Variants in ITSN1 observed in about 807,000 individuals in gnomAD.
The protein encoded by ITSN1 is intersectin 1.
A neutral mutation model predicts 239.8 loss-of-function variants in ITSN1; 58 were observed. The observed-to-expected ratio is 0.24, with a 90% CI of 0.20 to 0.30. The LOEUF is 0.30. Ranked by LOEUF, ITSN1 falls within the 10% of genes least tolerant of loss-of-function variation. The probability of loss-of-function intolerance (pLI) is 1.00; values close to 1 mark genes in which losing one functional copy is unlikely to be tolerated. For missense variants in ITSN1, 1,558 were observed against 2,103.3 expected (o/e 0.74, Z 5.07); for synonymous variants, 780 against 770.8 (o/e 1.01, Z -0.20).
rs189082634 is a variant in ITSN1 at position 33,826,776 on chromosome 21, A to G, written c.3184-42A>G. On this transcript the variant is annotated intron_variant, in intron 25 of 39. Coordinates refer to ENST00000381318, the MANE Select transcript of ITSN1 (RefSeq NM_003024.3). ...TAATCGTTTTTAAAGTTGCATGATC[A>G]AAACTTCAGCATGCAAATGAGACCT... 85 of 1,594,068 alleles carry G rather than the reference A, an allele frequency of 5.3e-5. No individual in the cohort carries two copies. The East Asian group carries it at 1.8e-3, about 33-fold the overall frequency.
At chr21:33,794,301 A>G (rs753528085) in intron 16 of ITSN1, 40 bp from the exon 17 acceptor site, 2 of 1,398,008 alleles carry the variant, frequency 1.4e-6, no homozygotes, top group South Asian at 2.4e-5. Flanking sequence ...TGTACCTGTC[A>G]CTCATGTCGC....
intron 29 of ITSN1, among the ~76,000 whole-genome samples, chr21:33,841,480 C>T (rs2074821480): frequency 6.6e-6 from 1 of 152,220 alleles, no homozygotes; most frequent in Non-Finnish European, 1.5e-5. Context: ...CCACATCACC[C>T]TCAGAGAGGA....
chr21:33,678,002 C>T (rs2090699594), intron 1 of ITSN1, among the ~76,000 whole-genome samples: 1 of 152,118 alleles, frequency 6.6e-6, no homozygotes, highest in Non-Finnish European at 1.5e-5. Flanking sequence ...ATATTATTCC[C>T]TTGATTAAAA....
chr21:33,871,141 CAAAA>C (rs1327000809), intron 33 of ITSN1, among the ~76,000 whole-genome samples: 2 of 139,012 alleles, frequency 1.4e-5, no homozygotes, highest in Non-Finnish European at 3.1e-5. Flanking sequence ...AAAAAAAAAA[CAAAA>C]AACAAAAACC....
intron 22 of ITSN1, 51 bp downstream of exon 22, chr21:33,814,123 A>G (rs1240024627): frequency 6.4e-7 from 1 of 1,574,654 alleles, no homozygotes. Context: ...TCTAGTGCCA[A>G]AAACTTCAGC....
At chr21:33,868,317 G>T (rs7281026) in intron 33 of ITSN1, among the ~76,000 whole-genome samples, 1 of 151,806 alleles carries the variant, frequency 6.6e-6, no homozygotes, top group African/African-American at 2.4e-5. Context: ...CCATGCACTC[G>T]CACTCCTCAG....
Position 33,813,993 on chromosome 21 carries a change from G to C in ITSN1, c.2648G>C (p.Ser883Thr). 6.2e-7 allele frequency: 1 copy of C among 1,614,170 alleles called. No individual in the cohort carries two copies. The highest frequency in any genetic ancestry group is 8.5e-7 in the Non-Finnish European group (1 of 1,180,032). Residue 883 changes from serine (S) to threonine (T), a missense_variant, in exon 22 of 40, where the codon AGT becomes ACT. Around this residue, in one of 2 missense-constraint regions of ITSN1, gnomAD observed 982 missense variants for 1,209.9 expected, o/e 0.81. Transcript: ENST00000381318. ...GCCCAGCCCTCTCTCACCGTTCCAA[G>C]TGCCGGCCAGTTAAGGCAGAGGTCC... The part of the protein sequence containing the change: ...WAAQPSLTVP[S>T]AGQLRQRSAF...
chr21:33,818,618 G>T, intron 23 of ITSN1, 146 bp downstream of exon 23: 2 of 685,648 alleles, frequency 2.9e-6, no homozygotes, highest in Non-Finnish European at 5.0e-6. Flanking sequence ...AGTATATAGA[G>T]TACCAAAAGG....
At chr21:33,843,055 G>A (rs1039307163) in intron 29 of ITSN1, among the ~76,000 whole-genome samples, 2 of 152,114 alleles carry the variant, frequency 1.3e-5, no homozygotes, top group East Asian at 1.9e-4. Flanking sequence ...TGTTCTCTGC[G>A]GATTATTCAG....
intron 1 of ITSN1, among the ~76,000 whole-genome samples, chr21:33,699,647 A>G (rs1173999865): frequency 6.6e-6 from 1 of 152,194 alleles, no homozygotes; most frequent in Non-Finnish European, 1.5e-5. Flanking sequence ...TAAGCCCTGG[A>G]TGTGGAGGTT....
chr21:33,722,161 T>C (rs1384276970), intron 3 of ITSN1, among the ~76,000 whole-genome samples: 1 of 152,188 alleles, frequency 6.6e-6, no homozygotes, highest in Non-Finnish European at 1.5e-5. Flanking sequence ...TCTTAATCAT[T>C]GTTATTTATT....
intron 17 of ITSN1, among the ~76,000 whole-genome samples, chr21:33,795,535 C>T (rs149876777): frequency 5.3e-5 from 8 of 152,224 alleles, no homozygotes; most frequent in African/African-American, 1.7e-4. Flanking sequence ...CTGCCAAGAG[C>T]TGTGCATACT....
intron 29 of ITSN1, chr21:33,837,890 T>TA: frequency 8.1e-6 from 8 of 985,888 alleles, no homozygotes; most frequent in Non-Finnish European, 7.2e-6. Context: ...CTGAGGTCGT[T>TA]ACGATCAACG....
intron 33 of ITSN1, among the ~76,000 whole-genome samples, chr21:33,868,633 G>A (rs182050889): frequency 0.064 from 9,699 of 152,262 alleles, 403 homozygotes; most frequent in East Asian, 0.078. Flanking sequence ...CCAAGCCCAC[G>A]CCCACCCGGA....
At chr21:33,693,491 G>A (rs996502721) in intron 1 of ITSN1, among the ~76,000 whole-genome samples, 2 of 152,076 alleles carry the variant, frequency 1.3e-5, no homozygotes, top group African/African-American at 4.8e-5. Context: ...CAAGTAGCTG[G>A]GATTATAGGC....
chr21:33,659,331 G>A (rs1186525062), intron 1 of ITSN1, among the ~76,000 whole-genome samples: 1 of 152,270 alleles, frequency 6.6e-6, no homozygotes, highest in East Asian at 1.9e-4. Flanking sequence ...GTTGCACAGA[G>A]CTTTTCCATG....
chr21:33,818,969 A>G (rs2073468874), intron 23 of ITSN1, among the ~76,000 whole-genome samples: 1 of 152,360 alleles, frequency 6.6e-6, no homozygotes, highest in Middle Eastern at 3.4e-3. Flanking sequence ...AAAATATTCA[A>G]TGAGCATCTC....
At chr21:33,710,701 C>CT (rs1280753991) in intron 1 of ITSN1, among the ~76,000 whole-genome samples, 3 of 148,360 alleles carry the variant, frequency 2.0e-5, no homozygotes, top group Non-Finnish European at 3.0e-5. Context: ...TAGTGATCTC[C>CT]TTTTTTTTTG....
At chr21:33,850,382 G>T (rs1474662604) in intron 29 of ITSN1, among the ~76,000 whole-genome samples, 1 of 152,186 alleles carries the variant, frequency 6.6e-6, no homozygotes, top group African/African-American at 2.4e-5. Flanking sequence ...GCCTTTGGGG[G>T]CATTCCTTCC....
Sources: gnomAD v4.1 joint callset for allele counts (sites outside exome capture counted in the v4.1 genomes callset) on GRCh38, gnomAD v4.1.1 for gene constraint, gnomAD v4.1.1 regional missense constraint, MANE v1.5 for transcripts, NCBI Gene and HGNC (gene_info 2026-07-23, HGNC 2026-07-21) for gene names.